CTNNA3: variants seen among roughly 807,000 people sequenced by gnomAD.
The protein encoded by CTNNA3 is catenin alpha-3.
A neutral mutation model predicts 95.7 loss-of-function variants in CTNNA3; 76 were observed. The ratio of observed to expected loss-of-function variants is 0.79; its 90% confidence interval spans 0.66 to 0.96. The LOEUF (loss-of-function observed/expected upper bound fraction) is 0.96, where lower values mean the gene tolerates loss of function less well. Among genes scored for constraint, CTNNA3 ranks in the 40% least tolerant of loss-of-function variants. The pLI, the probability that CTNNA3 is intolerant of heterozygous loss-of-function variation, is 0.00. For missense variants in CTNNA3, 1,191 were observed against 1,089.8 expected, an observed-to-expected ratio of 1.09 and a Z score of -1.31; for synonymous variants, 431 against 374.4, an observed-to-expected ratio of 1.15 and a Z score of -1.74.
At chr10:67,560,157 A>G (rs1290565153) in intron 3 of CTNNA3, among the ~76,000 whole-genome samples, 1 of 152,158 alleles carries the variant, frequency 6.6e-6, no homozygotes, top group Non-Finnish European at 1.5e-5. Context: ...ATACTCCTCG[A>G]GAAGAGCAAC....
At chr10:66,674,334 T>C (rs1346267122) in intron 9 of CTNNA3, among the ~76,000 whole-genome samples, 3 of 152,008 alleles carry the variant, frequency 2.0e-5, no homozygotes, top group Non-Finnish European at 4.4e-5. Context: ...ACAATGGTCA[T>C]CTTCTTTTCA....
intron 1 of CTNNA3, among the ~76,000 whole-genome samples, chr10:67,743,688 A>G (rs1373826316): frequency 6.6e-6 from 1 of 151,286 alleles, no homozygotes; most frequent in East Asian, 1.9e-4. Context: ...AGGGTATTCA[A>G]TTAGGAAAAG....
At position 66,604,807 on chromosome 10, in the gene CTNNA3, A is replaced by G. The variant is rs543351660; in HGVS notation, c.1374+16885T>C. Among the ~76,000 whole-genome samples, 5 of 145,554 alleles carry G rather than the reference A, an allele frequency of 3.4e-5. No individual in the cohort carries two copies. In the East Asian group the frequency reaches 8.1e-4, roughly 24 times the overall value. ...TAAAAGCAAAAAAAAAAAAAAATCCAAAGGTCAACAACTTCAATGACTGAA... is the reference window on the plus strand; with the variant it reads ...TAAAAGCAAAAAAAAAAAAAAATCCGAAGGTCAACAACTTCAATGACTGAA... On this transcript the variant is annotated intron_variant, in intron 10 of 17. Coordinates refer to ENST00000433211, the MANE Select transcript of CTNNA3 (RefSeq NM_013266.4).
At chr10:66,190,814 A>G (rs1171557838) in intron 13 of CTNNA3, among the ~76,000 whole-genome samples, 1 of 152,090 alleles carries the variant, frequency 6.6e-6, no homozygotes, top group Non-Finnish European at 1.5e-5. Flanking sequence ...AATTGAGTGA[A>G]TAAATCAAGT....
At chr10:67,024,518 AT>A (rs1181965831) in intron 7 of CTNNA3, among the ~76,000 whole-genome samples, 10 of 152,294 alleles carry the variant, frequency 6.6e-5, no homozygotes, top group Admixed American at 2.0e-4. Flanking sequence ...GGAGGGCATT[AT>A]TTGGCCTACC....
intron 5 of CTNNA3, among the ~76,000 whole-genome samples, chr10:67,472,357 C>A (rs1739316072): frequency 6.6e-6 from 1 of 152,148 alleles, no homozygotes; most frequent in Non-Finnish European, 1.5e-5. Context: ...GTTTCCAAGA[C>A]AACAGGTCAC....
At chr10:66,756,977 A>T (rs1839385632) in intron 9 of CTNNA3, among the ~76,000 whole-genome samples, 1 of 152,196 alleles carries the variant, frequency 6.6e-6, no homozygotes, top group African/African-American at 2.4e-5. Context: ...TTTGCTTTAA[A>T]TTGATTCAGC....
chr10:65,933,109 C>T (rs2077280521), intron 17 of CTNNA3, among the ~76,000 whole-genome samples: 1 of 151,934 alleles, frequency 6.6e-6, no homozygotes, highest in Admixed American at 6.6e-5. Flanking sequence ...TCTAACTGTT[C>T]AATTTGAATA....
At chr10:66,143,803 T>A (rs1490187551) in intron 13 of CTNNA3, among the ~76,000 whole-genome samples, 1 of 152,184 alleles carries the variant, frequency 6.6e-6, no homozygotes, top group Non-Finnish European at 1.5e-5. Flanking sequence ...ACACAGACAC[T>A]TTAATGTGAA....
intron 9 of CTNNA3, among the ~76,000 whole-genome samples, chr10:66,758,391 C>T (rs1017341366): frequency 3.3e-5 from 5 of 152,214 alleles, no homozygotes; most frequent in South Asian, 2.1e-4. Context: ...CTAAAGAGCA[C>T]GTCGTAGGGA....
At chr10:66,532,394 G>C (rs571586812) in intron 10 of CTNNA3, among the ~76,000 whole-genome samples, 263 of 151,976 alleles carry the variant, frequency 1.7e-3, no homozygotes, top group Non-Finnish European at 3.0e-3. Context: ...CCTGGGAGGC[G>C]GAGCTTGCAG....
At chr10:67,649,587 A>G (rs1839819877) in intron 1 of CTNNA3, among the ~76,000 whole-genome samples, 3 of 152,224 alleles carry the variant, frequency 2.0e-5, no homozygotes, top group Non-Finnish European at 4.4e-5. Flanking sequence ...TTGGCTTCAT[A>G]TAATTATTAA....
chr10:67,643,533 C>CT lies in CTNNA3; in HGVS notation c.99+3881dup, dbSNP rs200866333. 7.8e-3 allele frequency among the ~76,000 whole-genome samples: 1,173 copies of CT among 151,286 alleles called. 16 individuals carry two copies. Among genetic ancestry groups the CT allele is most frequent in the African/African-American group, 0.027 (1,134 of 41,258 alleles). ...AGTCTTTTCAAATAAACAGGTTACT[C>CT]TTTTTTTTTCTTTTATTATACCTTA... On this transcript the variant is annotated intron_variant, in intron 2 of 17. Transcript: ENST00000433211.
At chr10:66,360,764 C>CTT (rs1564896940) in intron 12 of CTNNA3, among the ~76,000 whole-genome samples, 25 of 95,632 alleles carry the variant, frequency 2.6e-4, no homozygotes, top group Non-Finnish European at 3.7e-4. Flanking sequence ...TCCTTCCTTC[C>CTT]TTCCTTTTCT....
At position 66,136,491 on chromosome 10, in the gene CTNNA3, T is replaced by C. The variant is rs1329783772; in HGVS notation, c.1885-33242A>G. ...AGTTTTCAAACACTAAATAGTAATTTCTTCACTTTTTTTTTTTGGTGTTAC... is the reference window on the plus strand; with the variant it reads ...AGTTTTCAAACACTAAATAGTAATTCCTTCACTTTTTTTTTTTGGTGTTAC... On this transcript the variant is annotated intron_variant, in intron 13 of 17. Coordinates refer to ENST00000433211, the MANE Select transcript of CTNNA3 (RefSeq NM_013266.4). 2.2e-5 allele frequency among the ~76,000 whole-genome samples: 3 copies of C among 133,892 alleles called. No homozygotes were observed. The Admixed American group carries it at 2.3e-4, about 10-fold the overall frequency. The allele number at this position is 133,892 out of a possible 152,430, so 87.8% of individuals were successfully genotyped here.
chr10:67,647,394 T>A, intron 2 of CTNNA3, 21 bp downstream of exon 2: 2 of 1,552,938 alleles, frequency 1.3e-6, no homozygotes, highest in Non-Finnish European at 8.8e-7. Flanking sequence ...CTATATATCA[T>A]AATTTCCATG....
intron 2 of CTNNA3, among the ~76,000 whole-genome samples, chr10:67,624,726 G>T (rs1191949931): frequency 6.6e-6 from 1 of 152,148 alleles, no homozygotes; most frequent in Non-Finnish European, 1.5e-5. Flanking sequence ...GGACCTGATA[G>T]GTGAACAGAA....
intron 9 of CTNNA3, among the ~76,000 whole-genome samples, chr10:66,665,869 A>AT (rs545277716): frequency 5.6e-4 from 86 of 152,240 alleles, no homozygotes; most frequent in African/African-American, 1.9e-3. Flanking sequence ...AAAAAATGAT[A>AT]TTTTTGTCAC....
intron 2 of CTNNA3, among the ~76,000 whole-genome samples, chr10:67,624,743 G>A (rs1005761414): frequency 3.3e-5 from 5 of 152,156 alleles, no homozygotes; most frequent in African/African-American, 4.8e-5. Flanking sequence ...AGAATGATAA[G>A]AAATTCTTAC....
Sources: allele counts gnomAD v4.1 joint callset (sites outside exome capture counted in the v4.1 genomes callset), GRCh38; gene constraint gnomAD v4.1.1; transcripts MANE v1.5; gene names NCBI Gene and HGNC (gene_info 2026-07-23, HGNC 2026-07-21).